Variants in THRAP3 observed in about 807,000 individuals in gnomAD.
The protein encoded by THRAP3 is thyroid hormone receptor associated protein 3.
THRAP3 carries 16 observed loss-of-function variants against 101.0 expected under a neutral mutation model. The ratio of observed to expected loss-of-function variants is 0.16; its 90% CI spans 0.11 to 0.24. The LOEUF (loss-of-function observed/expected upper bound fraction) is 0.24. Among genes scored for constraint, THRAP3 ranks in the 10% least tolerant of loss-of-function variants. The probability of loss-of-function intolerance (pLI) is 1.00; values close to 1 mark genes in which losing one functional copy is unlikely to be tolerated. For synonymous variants in THRAP3, 407 were observed against 422.6 expected (o/e 0.96, Z 0.45); for missense variants, 989 against 1,202.7 (o/e 0.82, Z 2.63).
At chr1:36,269,323 C>T (rs534665678) in intron 2 of THRAP3, among the ~76,000 whole-genome samples, 1 of 152,050 alleles carries the variant, frequency 6.6e-6, no homozygotes, top group East Asian at 1.9e-4. Flanking sequence ...GAAGCTGCAG[C>T]CTTTTGGGGT....
intron 1 of THRAP3, among the ~76,000 whole-genome samples, chr1:36,246,308 C>T (rs1007233399): frequency 6.6e-6 from 1 of 152,202 alleles, no homozygotes; most frequent in Non-Finnish European, 1.5e-5. Context: ...TCTTGGCTCA[C>T]TGCAACCTCT....
At chr1:36,291,164 T>G (rs1570337728) in intron 5 of THRAP3, among the ~76,000 whole-genome samples, 1 of 152,342 alleles carries the variant, frequency 6.6e-6, no homozygotes, top group East Asian at 1.9e-4. Context: ...AACACTTCAC[T>G]CCACTTGAAG....
At chr1:36,265,480 T>C (rs1645501697) in intron 2 of THRAP3, among the ~76,000 whole-genome samples, 1 of 82,580 alleles carries the variant, frequency 1.2e-5, no homozygotes, top group Non-Finnish European at 2.6e-5. Context: ...TTTTTTTTTT[T>C]TGCTGCATCT....
chr1:36,257,326 C>T (rs1645388698), intron 1 of THRAP3, among the ~76,000 whole-genome samples: 1 of 152,180 alleles, frequency 6.6e-6, no homozygotes, highest in Admixed American at 6.5e-5. Flanking sequence ...CAGTTCCAGG[C>T]ATGAAGGGAC....
rs1645891881 is a variant in THRAP3, at chr1:36,292,717, C to T, written c.2030+8C>T. The T allele has an allele frequency of 1.3e-6, 2 of 1,599,706 alleles. No individual in the cohort carries two copies. Among genetic ancestry groups the T allele is most frequent in the South Asian group, 2.2e-5 (2 of 89,648 alleles). On this transcript the variant is annotated splice_region_variant and intron_variant, in intron 7 of 11. Coordinates refer to ENST00000354618, the MANE Select transcript of THRAP3 (RefSeq NM_005119.4). ...AAGCCCAGAGATACACAGGTAAGGA[C>T]CATGGCCTTATACTGGAGGTTGTAA...
Position 36,287,168 on chromosome 1 carries a change from A to G in THRAP3, c.938A>G (p.Lys313Arg). 1.2e-6 allele frequency: 2 copies of G among 1,614,148 alleles called. No homozygotes were observed. Among genetic ancestry groups the G allele is most frequent in the Non-Finnish European group, 1.7e-6 (2 of 1,180,020 alleles). The change falls in exon 4 of 12, where the codon AAA becomes AGA. Residue 313 changes from lysine to arginine, a missense_variant. By Grantham distance (26) the Lys-to-Arg change is conservative. Transcript: ENST00000354618. The part of the protein sequence containing the change: ...DHGSGSLSPS[K>R]KSPVGKSPPS... ...GGTTCTGGGTCCCTGAGTCCATCCA[A>G]AAAGAGCCCTGTGGGTAAGAGTCCA...
chr1:36,275,606 T>C (rs1363442050), intron 2 of THRAP3, among the ~76,000 whole-genome samples: 1 of 58,162 alleles, frequency 1.7e-5, no homozygotes, highest in Non-Finnish European at 3.9e-5. Context: ...AAAAAAAAAG[T>C]CTTCTTTTTT....
At chr1:36,221,441 G>A (rs1358436369), upstream of THRAP3, among the ~76,000 whole-genome samples, 1 of 151,956 alleles carries the variant, frequency 6.6e-6, no homozygotes, top group Non-Finnish European at 1.5e-5. Context: ...GTAAATGGAT[G>A]GGGCAAACTT....
At chr1:36,272,080 A>T (rs1263767795) in intron 2 of THRAP3, among the ~76,000 whole-genome samples, 1 of 151,128 alleles carries the variant, frequency 6.6e-6, no homozygotes, top group Non-Finnish European at 1.5e-5. Context: ...GGGTCTTGCC[A>T]TGTTGTCCAG....
chr1:36,271,591 C>CTTTTT (rs34782789), intron 2 of THRAP3, among the ~76,000 whole-genome samples: 11 of 60,094 alleles, frequency 1.8e-4, no homozygotes, highest in African/African-American at 5.4e-4. Context: ...TTTTTCTTAT[C>CTTTTT]TTTTTTTTTT....
Position 36,293,895 on chromosome 1 carries a change from C to G in THRAP3, c.2075C>G (p.Ala692Gly), listed in dbSNP as rs554841318. The G allele has an allele frequency of 2.5e-5, 40 of 1,613,702 alleles. No individual in the cohort carries two copies. The South Asian group carries it at 4.1e-4, about 16-fold the overall frequency. The change falls in exon 8 of 12, where the codon GCT becomes GGT. Residue 692 changes from alanine to glycine, a missense_variant. Transcript: ENST00000354618. Reference protein sequence around the residue: ...SPSTFRKHGLAHDEMKSPREP... With the variant: ...SPSTFRKHGLGHDEMKSPREP... ...AGTACATTCAGAAAACATGGTTTGG[C>G]TCATGATGAAATGAAAAGTCCCCGG...
upstream of THRAP3, among the ~76,000 whole-genome samples, chr1:36,220,972 A>ATATATAT (rs1553189233): frequency 2.1e-5 from 2 of 94,120 alleles, no homozygotes; most frequent in African/African-American, 9.5e-5. Context: ...AAAAAAAAAA[A>ATATATAT]ATATATATAT....
chr1:36,257,311 A>G (rs1212778744), intron 1 of THRAP3, among the ~76,000 whole-genome samples: 1 of 152,142 alleles, frequency 6.6e-6, no homozygotes, highest in Non-Finnish European at 1.5e-5. Context: ...TGCTCACTAG[A>G]ATGTCAGTTC....
At chr1:36,272,239 TCACCCCC>T (rs1645601371) in intron 2 of THRAP3, among the ~76,000 whole-genome samples, 1 of 152,230 alleles carries the variant, frequency 6.6e-6, no homozygotes. Context: ...CAGAGGGACA[TCACCCCC>T]ACTTTTTAGG....
intron 1 of THRAP3, among the ~76,000 whole-genome samples, chr1:36,232,163 C>A (rs6686785): frequency 0.88 from 134,286 of 152,168 alleles, 61,691 homozygotes; most frequent in Non-Finnish European, 1. Context: ...TTGCAGTGAG[C>A]TGAGGTTGTA....
rs988677487 is a variant in THRAP3 at position 36,262,274 on chromosome 1, G to A, written c.-32+2790G>A. ...TCAGTTCAGATCAGCCACATTTCAC[G>A]TGCTGAGTCTACATATGTATTGGAT... On this transcript the variant is annotated intron_variant, in intron 2 of 11. Coordinates refer to ENST00000354618, the MANE Select transcript of THRAP3 (RefSeq NM_005119.4). Among the ~76,000 whole-genome samples the A allele has an allele frequency of 2.6e-5, 4 of 152,030 alleles. No homozygotes were observed. The East Asian group carries it at 7.7e-4, about 29-fold the overall frequency.
chr1:36,289,265 G>A lies in THRAP3; in HGVS notation c.1246G>A (p.Asp416Asn). 8 of 1,614,146 alleles carry A rather than the reference G, an allele frequency of 5.0e-6. No individual in the cohort carries two copies. The highest frequency in any genetic ancestry group is 1.7e-5 in the Admixed American group (1 of 60,016). Reference protein sequence around the residue: ...SQSPKRYKLRDDFEKKMADFH... With the variant: ...SQSPKRYKLRNDFEKKMADFH... ...GTCTCCCAAAAGGTATAAGCTCCGAGATGACTTTGAGAAGAAGATGGCTGA... is the reference window on the plus strand; with the variant it reads ...GTCTCCCAAAAGGTATAAGCTCCGAAATGACTTTGAGAAGAAGATGGCTGA... Residue 416 changes from aspartate (D) to asparagine (N), a missense_variant, in exon 5 of 12, where the codon GAT becomes AAT. By Grantham distance (23) the Asp-to-Asn change is conservative. Coordinates refer to ENST00000354618, the MANE Select transcript of THRAP3 (RefSeq NM_005119.4).
At chr1:36,280,961 TGTC>T (rs1191935693) in intron 2 of THRAP3, among the ~76,000 whole-genome samples, 2 of 151,824 alleles carry the variant, frequency 1.3e-5, no homozygotes, top group African/African-American at 4.8e-5. Context: ...GTTTTGCTCT[TGTC>T]GTCCAGGCTG....
At position 36,241,245 on chromosome 1, in the gene THRAP3, C is replaced by G. The variant is rs540684408; in HGVS notation, c.-135+16740C>G. Among the ~76,000 whole-genome samples, 6 of 150,272 alleles carry G rather than the reference C, an allele frequency of 4.0e-5. No individual in the cohort carries two copies. The South Asian group carries it at 6.3e-4, about 16-fold the overall frequency. ...TTTCAGAAATACGTGCCGCTGACAC[C>G]TGACACCTCTCACCACACTTGTTTT... On this transcript the variant is annotated intron_variant, in intron 1 of 11. Transcript: ENST00000354618.
Sources: gnomAD v4.1 joint callset for allele counts (sites outside exome capture counted in the v4.1 genomes callset) on GRCh38, gnomAD v4.1.1 for gene constraint, MANE v1.5 for transcripts, NCBI Gene and HGNC (gene_info 2026-07-23, HGNC 2026-07-21) for gene names.